STIM1: variants seen among roughly 807,000 people sequenced by gnomAD.
STIM1 encodes stromal interaction molecule 1.
Under a neutral mutation model 74.7 loss-of-function variants are expected in STIM1, and 25 were observed. The observed-to-expected ratio is 0.33, with a 90% CI of 0.24 to 0.47. The LOEUF (loss-of-function observed/expected upper bound fraction) is 0.47, where lower values mean the gene tolerates loss of function less well. STIM1 is among the 20% of genes least tolerant of loss of function. STIM1 has a pLI of 1.00. For missense variants in STIM1, 728 were observed against 920.8 expected, an observed-to-expected ratio of 0.79 and a Z score of 2.71; for synonymous variants, 328 against 348.8, an observed-to-expected ratio of 0.94 and a Z score of 0.66.
At chr11:4,005,090 C>T (rs2093763786) in intron 2 of STIM1, among the ~76,000 whole-genome samples, 1 of 152,130 alleles carries the variant, frequency 6.6e-6, no homozygotes, top group East Asian at 1.9e-4. Flanking sequence ...ACAACAGGTG[C>T]TGGAGAGGAT....
chr11:4,033,288 G>A (rs2094067838), intron 3 of STIM1, among the ~76,000 whole-genome samples: 1 of 152,142 alleles, frequency 6.6e-6, no homozygotes. Context: ...AAGTCAGGTA[G>A]CGTGATGCCT....
Position 4,084,746 on chromosome 11 carries a change from G to T in STIM1, c.1548G>T (p.Gln516His). The T allele has an allele frequency of 7.8e-7, 1 of 1,289,404 alleles. No homozygotes were observed. The highest frequency in any genetic ancestry group is 1.0e-6 in the Non-Finnish European group (1 of 988,878). 79.9% of individuals were successfully genotyped at this position (1,289,404 alleles called of 1,614,324 possible). The part of the protein sequence containing the change: ...LCSTSAGSDD[Q>H]SLWKYPAPSL... ...CTACATCCGCCGGCTCGGATGATCA[G>T]TCCCTCTGGAAATACCCCGGTTTGA... The change falls in exon 11 of 13, where the codon CAG (glutamine) becomes CAT (histidine). Residue 516 changes from glutamine (Q) to histidine (H), a missense_variant. By Grantham distance (24) the Gln-to-His change is conservative (BLOSUM62 0). This residue lies in a region of STIM1 where 352 missense variants were observed against 370.1 expected (regional missense o/e 0.95). Transcript: ENST00000526596.
At chr11:3,959,926 A>G (rs1438997362) in intron 1 of STIM1, among the ~76,000 whole-genome samples, 3 of 152,256 alleles carry the variant, frequency 2.0e-5, no homozygotes, top group Non-Finnish European at 4.4e-5. Context: ...CTGAACTACT[A>G]GTAATGACTG....
intron 3 of STIM1, among the ~76,000 whole-genome samples, chr11:4,044,570 T>C (rs138921082): frequency 1.6e-3 from 242 of 152,278 alleles, no homozygotes; most frequent in African/African-American, 5.4e-3. Flanking sequence ...GTTCAGACTA[T>C]AGTGACTCCA....
chr11:3,958,221 C>T (rs540034578), intron 1 of STIM1, among the ~76,000 whole-genome samples: 1 of 152,076 alleles, frequency 6.6e-6, no homozygotes, highest in Non-Finnish European at 1.5e-5. Context: ...AAATTCAGAG[C>T]TTAGAAGCTG....
intron 1 of STIM1, among the ~76,000 whole-genome samples, chr11:3,949,509 G>C (rs1163083172): frequency 6.6e-6 from 1 of 152,134 alleles, no homozygotes; most frequent in African/African-American, 2.4e-5. Flanking sequence ...TCCCTGAAAG[G>C]GGTCCTTGAG....
chr11:3,940,691 T>C (rs2092994210), intron 1 of STIM1, among the ~76,000 whole-genome samples: 1 of 151,712 alleles, frequency 6.6e-6, no homozygotes, highest in African/African-American at 2.4e-5. Flanking sequence ...ACTGGAAAGG[T>C]TGGTTAGCAT....
intron 1 of STIM1, among the ~76,000 whole-genome samples, chr11:3,962,039 C>A (rs1379421385): frequency 6.6e-6 from 1 of 152,132 alleles, no homozygotes; most frequent in African/African-American, 2.4e-5. Flanking sequence ...GTTACTTAAA[C>A]TAGGTGTCTG....
intron 1 of STIM1, among the ~76,000 whole-genome samples, chr11:3,886,559 G>A (rs996510928): frequency 6.6e-6 from 1 of 151,380 alleles, no homozygotes; most frequent in Non-Finnish European, 1.5e-5. Flanking sequence ...GTGGTGGCAG[G>A]CACCTGTAGT....
intron 7 of STIM1, among the ~76,000 whole-genome samples, chr11:4,076,560 C>T (rs1441004111): frequency 6.6e-6 from 1 of 150,498 alleles, no homozygotes; most frequent in Non-Finnish European, 1.5e-5. Flanking sequence ...GAAATCCTTC[C>T]CTATCCCCAA....
chr11:3,886,063 G>A (rs10835238), intron 1 of STIM1, among the ~76,000 whole-genome samples: 39,489 of 152,126 alleles, frequency 0.26, 5,815 homozygotes, highest in South Asian at 0.4. Context: ...ATTAAGGATT[G>A]GCATGGGTGA....
intron 1 of STIM1, among the ~76,000 whole-genome samples, chr11:3,931,055 T>C (rs1175035083): frequency 1.3e-5 from 2 of 152,184 alleles, no homozygotes. Context: ...ATAATCATAA[T>C]GAAGTCTGAT....
intron 7 of STIM1, 50 bp from the exon 8 acceptor site, chr11:4,082,134 T>C (rs2094468596): frequency 6.3e-7 from 1 of 1,591,252 alleles, no homozygotes; most frequent in Non-Finnish European, 8.6e-7. Flanking sequence ...ACAGAGATGT[T>C]GGAGAGTCTT....
At chr11:3,875,637 G>A (rs962285669) in intron 1 of STIM1, among the ~76,000 whole-genome samples, 1 of 151,478 alleles carries the variant, frequency 6.6e-6, no homozygotes, top group African/African-American at 2.4e-5. Flanking sequence ...GAGGCAGGAG[G>A]ATTGCTTGAG....
intron 3 of STIM1, among the ~76,000 whole-genome samples, chr11:4,041,471 G>GA (rs749254984): frequency 2.6e-4 from 40 of 152,036 alleles, no homozygotes; most frequent in Admixed American, 4.6e-4. Context: ...TTTATGATGT[G>GA]AAAACTCTGA....
chr11:3,913,824 A>G (rs1311004344), intron 1 of STIM1, among the ~76,000 whole-genome samples: 2 of 152,174 alleles, frequency 1.3e-5, no homozygotes, highest in African/African-American at 4.8e-5. Flanking sequence ...AGCCACCAAT[A>G]GGATTTACCT....
chr11:4,040,162 G>A (rs559972462), intron 3 of STIM1, among the ~76,000 whole-genome samples: 1 of 152,208 alleles, frequency 6.6e-6, no homozygotes, highest in African/African-American at 2.4e-5. Flanking sequence ...GGCCCTAGAA[G>A]GTAGTGTTTT....
At chr11:3,963,553 T>C (rs751345327) in intron 1 of STIM1, among the ~76,000 whole-genome samples, 5 of 152,248 alleles carry the variant, frequency 3.3e-5, no homozygotes, top group Non-Finnish European at 5.9e-5. Flanking sequence ...CCTATGCTAT[T>C]TTCTTTGCCT....
intron 3 of STIM1, among the ~76,000 whole-genome samples, chr11:4,042,461 T>C (rs976366897): frequency 2.0e-4 from 31 of 152,246 alleles, no homozygotes; most frequent in African/African-American, 7.0e-4. Context: ...CACCAAAATA[T>C]AAGCACCATG....
Sources: gnomAD v4.1 joint callset for allele counts (sites outside exome capture counted in the v4.1 genomes callset) on GRCh38, gnomAD v4.1.1 for gene constraint, gnomAD v4.1.1 regional missense constraint, MANE v1.5 for transcripts, NCBI Gene and HGNC (gene_info 2026-07-23, HGNC 2026-07-21) for gene names.